Variants in SLCO2B1 observed in about 807,000 individuals in gnomAD.
SLCO2B1 encodes the protein solute carrier organic anion transporter family member 2B1.
In SLCO2B1, 41 loss-of-function variants were observed where a neutral mutation model predicts 67.3. The observed-to-expected ratio is 0.61, with a 90% CI of 0.47 to 0.79. The LOEUF (loss-of-function observed/expected upper bound fraction) is 0.79. SLCO2B1 is among the 30% of genes least tolerant of loss of function. The pLI, the probability that SLCO2B1 is intolerant of heterozygous loss-of-function variation, is 0.00. For missense variants in SLCO2B1, 837 were observed against 920.1 expected (o/e 0.91, Z 1.17); for synonymous variants, 379 against 381.4 (o/e 0.99, Z 0.07).
At chr11:75,164,185 C>T (rs1341096434) in intron 3 of SLCO2B1, 85 bp downstream of exon 3, 2 of 1,422,456 alleles carry the variant, frequency 1.4e-6, no homozygotes, top group Admixed American at 2.3e-5. Flanking sequence ...CACTACCCTA[C>T]CTTAAGGCCT....
intron 7 of SLCO2B1, among the ~76,000 whole-genome samples, chr11:75,179,829 C>T (rs1299105340): frequency 2.0e-5 from 3 of 151,318 alleles, no homozygotes; most frequent in African/African-American, 4.9e-5. Context: ...CTCCACCTCC[C>T]GAGTTAAAGC....
chr11:75,182,649 G>A (rs915771155), intron 7 of SLCO2B1, among the ~76,000 whole-genome samples: 1 of 152,078 alleles, frequency 6.6e-6, no homozygotes. Context: ...GGCTGAGACA[G>A]GAGAATTGCT....
chr11:75,173,347 C>G (rs1270047600), intron 7 of SLCO2B1, among the ~76,000 whole-genome samples: 2 of 152,246 alleles, frequency 1.3e-5, no homozygotes, highest in Non-Finnish European at 2.9e-5. Flanking sequence ...ATTCTAGGCA[C>G]AGAAGCACCC....
intron 3 of SLCO2B1, among the ~76,000 whole-genome samples, chr11:75,164,735 C>G (rs560927854): frequency 6.6e-6 from 1 of 152,308 alleles, no homozygotes; most frequent in African/African-American, 2.4e-5. Context: ...AATTCTCCCC[C>G]CTTGGTAATG....
chr11:75,195,334 C>T (rs1945083839), intron 9 of SLCO2B1, among the ~76,000 whole-genome samples: 1 of 152,208 alleles, frequency 6.6e-6, no homozygotes, highest in African/African-American at 2.4e-5. Context: ...GATGGGCCCT[C>T]AGCTCAGACA....
intron 7 of SLCO2B1, among the ~76,000 whole-genome samples, chr11:75,174,645 C>A (rs549906190): frequency 3.3e-4 from 51 of 152,310 alleles, no homozygotes; most frequent in Non-Finnish European, 8.8e-5. Context: ...ACAGATGGGC[C>A]TTTCTGATTC....
chr11:75,198,412 G>A (rs775836029), intron 10 of SLCO2B1, among the ~76,000 whole-genome samples: 13 of 152,226 alleles, frequency 8.5e-5, no homozygotes, highest in Non-Finnish European at 1.5e-4. Context: ...TAAGCAAAGC[G>A]CCACATAACG....
At chr11:75,190,959 T>C (rs1010313023) in intron 8 of SLCO2B1, among the ~76,000 whole-genome samples, 1 of 152,224 alleles carries the variant, frequency 6.6e-6, no homozygotes, top group Non-Finnish European at 1.5e-5. Flanking sequence ...CCTATCTCAG[T>C]GAAAGGCATA....
intron 7 of SLCO2B1, among the ~76,000 whole-genome samples, chr11:75,186,534 G>T (rs1418394828): frequency 1.3e-5 from 2 of 150,824 alleles, no homozygotes; most frequent in Non-Finnish European, 3.0e-5. Context: ...TTTATTTTTA[G>T]TAGAGACAAG....
intron 1 of SLCO2B1, among the ~76,000 whole-genome samples, chr11:75,153,684 G>A (rs2712811): frequency 0.45 from 68,602 of 152,088 alleles, 18,598 homozygotes; most frequent in Non-Finnish European, 0.61. Flanking sequence ...TGGAGCTAGT[G>A]AGCTGCCCAG....
chr11:75,154,684 A>G (rs1320930520), intron 1 of SLCO2B1, among the ~76,000 whole-genome samples: 2 of 152,138 alleles, frequency 1.3e-5, no homozygotes, highest in Non-Finnish European at 2.9e-5. Context: ...GAAGGCTCCA[A>G]TGTTCCCAGC....
chr11:75,169,076 T>G, intron 4 of SLCO2B1, 97 bp from the exon 5 acceptor site: 2 of 1,018,528 alleles, frequency 2.0e-6, no homozygotes, highest in Non-Finnish European at 2.8e-6. Context: ...GCTCAAATTA[T>G]TTTTATACAC....
At chr11:75,189,520 C>A (rs1029708534) in intron 8 of SLCO2B1, among the ~76,000 whole-genome samples, 33 of 152,278 alleles carry the variant, frequency 2.2e-4, no homozygotes, top group African/African-American at 7.7e-4. Flanking sequence ...GTTATTCTGA[C>A]CATGCCCTAG....
chr11:75,181,455 C>G (rs1950091193), intron 7 of SLCO2B1, among the ~76,000 whole-genome samples: 1 of 151,948 alleles, frequency 6.6e-6, no homozygotes, highest in Non-Finnish European at 1.5e-5. Context: ...AAAACACTCT[C>G]TTTCATGGGG....
Position 75,193,636 on chromosome 11 carries a change from G to T in SLCO2B1, c.1433+61G>T. On this transcript the variant is annotated intron_variant, in intron 9 of 13. Transcript: ENST00000289575. This position sits in a 1 kb window ranked among gnomAD's most constrained non-coding sequence, Gnocchi z 4.2. ...GGAGGACAGGACAGGGAGGACAGGGGCCCTGGGCAGAGGCCAGGATGGCAG... is the reference window on the plus strand; with the variant it reads ...GGAGGACAGGACAGGGAGGACAGGGTCCCTGGGCAGAGGCCAGGATGGCAG... The T allele has an allele frequency of 6.9e-7, 1 of 1,442,202 alleles. No homozygotes were observed. The allele number at this position is 1,442,202 out of a possible 1,614,324, so 89.3% of individuals were successfully genotyped here.
Position 75,162,751 on chromosome 11 carries a change from A to C in SLCO2B1, c.113A>C (p.Gln38Pro), listed in dbSNP as rs1408186577. 6.2e-7 allele frequency: 1 copy of C among 1,614,058 alleles called. No individual in the cohort carries two copies. Among genetic ancestry groups the C allele is most frequent in the South Asian group, 1.1e-5 (1 of 91,076 alleles). The change falls in exon 2 of 14, where the codon CAG becomes CCG. Residue 38 changes from glutamine to proline, a missense_variant. Coordinates refer to ENST00000289575, the MANE Select transcript of SLCO2B1 (RefSeq NM_007256.5). ...TPGGKASPDP[Q>P]DVRPSVFHNI... Reference sequence around the variant, plus strand: ...GGAGGCAAAGCCAGCCCAGACCCTCAGGACGTGCGGCCAAGTGTGTTCCAT... The same window carrying C: ...GGAGGCAAAGCCAGCCCAGACCCTCCGGACGTGCGGCCAAGTGTGTTCCAT...
chr11:75,192,843 C>T (rs981743973), intron 8 of SLCO2B1, among the ~76,000 whole-genome samples: 3 of 152,032 alleles, frequency 2.0e-5, no homozygotes, highest in African/African-American at 7.2e-5. Context: ...GCCTAGGGTT[C>T]GAGAGCAGCT....
intron 3 of SLCO2B1, among the ~76,000 whole-genome samples, chr11:75,165,350 C>T (rs539230123): frequency 2.6e-5 from 4 of 151,234 alleles, no homozygotes; most frequent in African/African-American, 2.4e-5. Context: ...GAGAATTGCT[C>T]GAACCTGGGA....
intron 1 of SLCO2B1, among the ~76,000 whole-genome samples, chr11:75,155,021 C>G (rs1401042625): frequency 6.6e-6 from 1 of 152,094 alleles, no homozygotes. Context: ...TTAGGTCATC[C>G]TGGGTCTAGA....
Sources: gnomAD v4.1 joint callset for allele counts (sites outside exome capture counted in the v4.1 genomes callset) on GRCh38, gnomAD v4.1.1 for gene constraint, Gnocchi (gnomAD v3.1) non-coding constraint, MANE v1.5 for transcripts, NCBI Gene and HGNC (gene_info 2026-07-23, HGNC 2026-07-21) for gene names.